Variants in OPRK1 observed in about 807,000 individuals in gnomAD.
The protein encoded by OPRK1 is kappa-type opioid receptor.
A neutral mutation model predicts 24.5 loss-of-function variants in OPRK1; 15 were observed. The observed-to-expected ratio is 0.61, with a 90% CI of 0.41 to 0.94. The LOEUF is 0.94. Among genes scored for constraint, OPRK1 ranks in the 40% least tolerant of loss-of-function variants. OPRK1 has a pLI of 0.00. For synonymous variants in OPRK1, 205 were observed against 198.0 expected (o/e 1.04, Z -0.30); for missense variants, 479 against 507.3 (o/e 0.94, Z 0.54).
At position 53,229,373 on chromosome 8, in the gene OPRK1, C is replaced by T; in HGVS notation, c.1067G>A (p.Ser356Asn). The part of the protein sequence containing the change: ...FPLKMRMERQ[S>N]TSRVRNTVQD... ...AACTGTATTTCGGACTCTGCTAGTG[C>T]TCTGCCGCTCCATCCTCATCTTCAG... The change falls in exon 4 of 4, where the codon AGC (serine) becomes AAC (asparagine). Residue 356 changes from serine (S) to asparagine (N), a missense_variant. Physicochemically the swap from Ser to Asn is conservative, Grantham distance 46 (BLOSUM62 1). Transcript: ENST00000265572. 1 of 1,614,214 alleles carries T rather than the reference C, an allele frequency of 6.2e-7. No homozygotes were observed. The highest frequency in any genetic ancestry group is 8.5e-7 in the Non-Finnish European group (1 of 1,180,046).
intron 3 of OPRK1, among the ~76,000 whole-genome samples, chr8:53,232,633 ATCCAT>A (rs1806883186): frequency 6.6e-6 from 1 of 152,216 alleles, no homozygotes; most frequent in Admixed American, 6.5e-5. Flanking sequence ...AGGTTGAAGT[ATCCAT>A]ACAACTGCCT....
chr8:53,251,196 C>T, intron 1 of OPRK1, 111 bp from the exon 2 acceptor site: 1 of 1,223,954 alleles, frequency 8.2e-7, no homozygotes, highest in Non-Finnish European at 1.1e-6. Flanking sequence ...CCGCAAGTCG[C>T]CGGGGGCAGG....
intron 3 of OPRK1, among the ~76,000 whole-genome samples, chr8:53,231,080 T>A (rs10099942): frequency 0.17 from 25,231 of 152,074 alleles, 2,933 homozygotes; most frequent in African/African-American, 0.32. Flanking sequence ...CCTTCATGTA[T>A]CAATGAAATA....
chr8:53,242,338 C>G (rs1057193901), intron 2 of OPRK1, among the ~76,000 whole-genome samples: 1 of 152,130 alleles, frequency 6.6e-6, no homozygotes, highest in Non-Finnish European at 1.5e-5. Flanking sequence ...AACTGCCTGC[C>G]CTTGGGCAGT....
Position 53,232,100 on chromosome 8 carries a change from C to T in OPRK1, c.611-2271G>A, listed in dbSNP as rs114396999. 2.4e-3 allele frequency among the ~76,000 whole-genome samples: 365 copies of T among 152,100 alleles called. 1 individual carries two copies. Among genetic ancestry groups the T allele is most frequent in the African/African-American group, 8.4e-3 (347 of 41,466 alleles). On this transcript the variant is annotated intron_variant, in intron 3 of 3. Transcript: ENST00000265572. ...GGCAATCATCAAGAATCCCAGTGCA[C>T]TTCACATTATGCTAAGGGGATCAAG... is the stretch of plus-strand genomic sequence containing the variant.
At chr8:53,242,656 G>C (rs1807140604) in intron 2 of OPRK1, 1 of 277,258 alleles carries the variant, frequency 3.6e-6, no homozygotes, top group Non-Finnish European at 6.2e-6. Context: ...ACAGGCGCCC[G>C]CCACTACGCC....
At chr8:53,249,284 A>G (rs1807311063) in intron 2 of OPRK1, among the ~76,000 whole-genome samples, 1 of 152,170 alleles carries the variant, frequency 6.6e-6, no homozygotes, top group Admixed American at 6.5e-5. Context: ...TTACCCCACC[A>G]CCAAATAAAT....
chr8:53,235,766 G>T (rs73589347), intron 2 of OPRK1, among the ~76,000 whole-genome samples: 1 of 152,052 alleles, frequency 6.6e-6, no homozygotes. Flanking sequence ...AAATAATTCT[G>T]TCTTTCTTTA....
Position 53,227,298 on chromosome 8 carries a change from G to T in OPRK1, c.*1999C>A, listed in dbSNP as rs200945507. The T allele has an allele frequency of 6.7e-6, 1 of 150,026 alleles. No homozygotes were observed. The highest frequency in any genetic ancestry group is 1.5e-5 in the Non-Finnish European group (1 of 67,590). The allele number at this position is 150,026 out of a possible 1,614,324, so 9.3% of individuals were successfully genotyped here. ...AAAAAAGAAGACAGAAAAAATTAAA[G>T]GAAACACACTACTGTGATTTCATCT... On this transcript the variant is annotated 3_prime_UTR_variant, in exon 4 of 4. Coordinates refer to ENST00000265572, the MANE Select transcript of OPRK1 (RefSeq NM_000912.5).
chr8:53,235,483 T>C (rs1300362248), intron 2 of OPRK1, among the ~76,000 whole-genome samples: 1 of 151,178 alleles, frequency 6.6e-6, no homozygotes, highest in Non-Finnish European at 1.5e-5. Context: ...TCAAACACTA[T>C]ATTCATTCTC....
rs111900596 is a variant in OPRK1, at chr8:53,229,042, A to G, written c.*255T>C. 4.9e-6 allele frequency: 2 copies of G among 405,852 alleles called. No individual in the cohort carries two copies. Among genetic ancestry groups the G allele is most frequent in the Admixed American group, 4.1e-5 (1 of 24,616 alleles). The allele number at this position is 405,852 out of a possible 1,614,324, so 25.1% of individuals were successfully genotyped here. On this transcript the variant is annotated 3_prime_UTR_variant, in exon 4 of 4. Transcript: ENST00000265572. Reference sequence around the variant, plus strand: ...AAGGAAAAGACCTGTTCCCTTGTTCATCAGAGGAACTGAGGCTCTGCCTCG... The same window carrying G: ...AAGGAAAAGACCTGTTCCCTTGTTCGTCAGAGGAACTGAGGCTCTGCCTCG...
chr8:53,241,501 T>C (rs1291128832), intron 2 of OPRK1, among the ~76,000 whole-genome samples: 1 of 151,308 alleles, frequency 6.6e-6, no homozygotes, highest in Non-Finnish European at 1.5e-5. Context: ...CATGTTTGTT[T>C]GTCTGCTTAA....
intron 2 of OPRK1, among the ~76,000 whole-genome samples, chr8:53,235,828 GAA>G (rs1806978782): frequency 6.6e-6 from 1 of 152,188 alleles, no homozygotes; most frequent in African/African-American, 2.4e-5. Flanking sequence ...CCAATTGAGA[GAA>G]GAGTAATTTT....
intron 2 of OPRK1, among the ~76,000 whole-genome samples, chr8:53,240,770 GC>G (rs897549173): frequency 2.0e-5 from 3 of 152,054 alleles, no homozygotes; most frequent in Non-Finnish European, 2.9e-5. Flanking sequence ...ACAGCAGGGG[GC>G]TAGCATCAAC....
At chr8:53,248,159 G>GT (rs1807279312) in intron 2 of OPRK1, among the ~76,000 whole-genome samples, 1 of 152,114 alleles carries the variant, frequency 6.6e-6, no homozygotes, top group Non-Finnish European at 1.5e-5. Context: ...GATTATGTCA[G>GT]TTGGTACACA....
At chr8:53,249,317 T>C (rs1037601993) in intron 2 of OPRK1, among the ~76,000 whole-genome samples, 2 of 152,250 alleles carry the variant, frequency 1.3e-5, no homozygotes, top group South Asian at 2.1e-4. Context: ...AAAGATCTCC[T>C]AAAATTTTTA....
chr8:53,238,553 T>C lies in OPRK1; in HGVS notation c.258-3442A>G, dbSNP rs560245843. The C allele has an allele frequency of 1.1e-3, 1,067 of 984,620 alleles. 1 individual carries two copies. Among genetic ancestry groups the C allele is most frequent in the Non-Finnish European group, 1.3e-3 (1,045 of 829,812 alleles). The allele number at this position is 984,620 out of a possible 1,614,324, so 61.0% of individuals were successfully genotyped here. A position where few individuals can be genotyped will look rare whatever the true frequency, so the allele number is the denominator to read the frequency against. ...TGAGTTGTGAGCACCGGGAAGGCTA[T>C]GGTGGCCAGGCAACAGGGCGGAGGG... On this transcript the variant is annotated intron_variant, in intron 2 of 3. Transcript: ENST00000265572.
Position 53,235,032 on chromosome 8 carries a change from G to T in OPRK1, c.337C>A (p.Pro113Thr), listed in dbSNP as rs1359041278. ...ATCAAGTAGACCGTACTCTGAAAGG[G>T]CATGGTTGTAGTAACTAAAGCATCT... is the stretch of plus-strand genomic sequence containing the variant. Reference protein sequence around the residue: ...LADALVTTTMPFQSTVYLMNS... With the variant: ...LADALVTTTMTFQSTVYLMNS... Residue 113 changes from proline (P) to threonine (T), a missense_variant, in exon 3 of 4, where the codon CCC becomes ACC. Physicochemically the swap from Pro to Thr is conservative, Grantham distance 38. Coordinates refer to ENST00000265572, the MANE Select transcript of OPRK1 (RefSeq NM_000912.5). The T allele has an allele frequency of 1.9e-6, 3 of 1,614,200 alleles. No individual in the cohort carries two copies. In the South Asian group the frequency reaches 3.3e-5, roughly 18 times the overall value.
rs558434189 is a variant in OPRK1 at position 53,234,736 on chromosome 8, C to T, written c.610+23G>A. On this transcript the variant is annotated intron_variant, in intron 3 of 3. Transcript: ENST00000265572. ...TAATTTGAAGCTACATTTTTATGAA[C>T]AGAATGAAATGACTGCTCTTACCTT... 12 of 1,577,148 alleles carry T rather than the reference C, an allele frequency of 7.6e-6. No homozygotes were observed. The South Asian group carries it at 1.2e-4, about 16-fold the overall frequency.
Sources: allele counts gnomAD v4.1 joint callset (sites outside exome capture counted in the v4.1 genomes callset), GRCh38; gene constraint gnomAD v4.1.1; transcripts MANE v1.5; gene names NCBI Gene and HGNC (gene_info 2026-07-23, HGNC 2026-07-21).